Variants in WWC2 observed in about 807,000 individuals in gnomAD.
The protein encoded by WWC2 is WW and C2 domain containing 2.
A neutral mutation model predicts 138.5 loss-of-function variants in WWC2; 101 were observed. The ratio of observed to expected loss-of-function variants is 0.73; its 90% CI spans 0.62 to 0.86. The LOEUF (loss-of-function observed/expected upper bound fraction) is 0.86, where lower values mean the gene tolerates loss of function less well. Ranked by LOEUF, WWC2 falls within the 40% of genes least tolerant of loss-of-function variation. The pLI is 0.00. For synonymous variants in WWC2, 558 were observed against 538.4 expected, an observed-to-expected ratio of 1.04 and a Z score of -0.50; for missense variants, 1,420 against 1,419.4, an observed-to-expected ratio of 1.00 and a Z score of -0.01.
chr4:183,138,062 C>T (rs979729327), intron 1 of WWC2, among the ~76,000 whole-genome samples: 10 of 152,166 alleles, frequency 6.6e-5, no homozygotes, highest in African/African-American at 2.4e-4. Flanking sequence ...CTGAGGGGCT[C>T]TGCCAGTCTG....
intron 4 of WWC2, among the ~76,000 whole-genome samples, chr4:183,222,087 G>C (rs1332302944): frequency 6.6e-6 from 1 of 152,144 alleles, no homozygotes; most frequent in African/African-American, 2.4e-5. Context: ...ATACAACATG[G>C]ATGAATTTCA....
Position 183,265,113 on chromosome 4 carries a change from G to A in WWC2, c.2039+6G>A, listed in dbSNP as rs1450400913. 1.2e-6 allele frequency: 2 copies of A among 1,600,562 alleles called. No individual in the cohort carries two copies. Among genetic ancestry groups the A allele is most frequent in the African/African-American group, 2.7e-5 (2 of 74,386 alleles). Reference sequence around the variant, plus strand: ...TATGAAGCTTTCGTGAAACAGTAAGGATTCAGCAGGGGCGCTTTTAGCTCC... The same window carrying A: ...TATGAAGCTTTCGTGAAACAGTAAGAATTCAGCAGGGGCGCTTTTAGCTCC... On this transcript the variant is annotated splice_donor_region_variant and intron_variant, in intron 12 of 22. Transcript: ENST00000403733.
In WWC2 at chr4:183,282,888, T is replaced by G. The variant is rs1277104845; in HGVS notation, c.2865T>G (p.Pro955=). The G allele has an allele frequency of 6.3e-7, 1 of 1,582,992 alleles. No homozygotes were observed. The highest frequency in any genetic ancestry group is 8.6e-7 in the Non-Finnish European group (1 of 1,164,056). Residue 955 remains proline, a synonymous_variant, in exon 18 of 23, where the codon CCT becomes CCG. Coordinates refer to ENST00000403733, the MANE Select transcript of WWC2 (RefSeq NM_024949.6). The part of the protein sequence containing the change: ...NCAKDLRSQP[P]TRIPTLVDKE... ...CCAAAGACCTCAGAAGTCAGCCACC[T>G]ACTAGAATACCAACACTGGTGACTA...
chr4:183,100,263 T>C lies in WWC2; in HGVS notation c.131+641T>C, dbSNP rs540967126. Among the ~76,000 whole-genome samples, 16 of 152,372 alleles carry C rather than the reference T, an allele frequency of 1.1e-4. No homozygotes were observed. The East Asian group carries it at 3.1e-3, about 29-fold the overall frequency. On this transcript the variant is annotated intron_variant, in intron 1 of 22. Transcript: ENST00000403733. ...CTGAAAACTTGAACCGACTCCCAGA[T>C]CGGGAACAGGCATATTGTGTTTGGA...
At chr4:183,100,481 A>C (rs1743143397) in intron 1 of WWC2, among the ~76,000 whole-genome samples, 1 of 152,230 alleles carries the variant, frequency 6.6e-6, no homozygotes. Flanking sequence ...CCTAATTATA[A>C]ATTTGTAAAT....
At chr4:183,304,737 G>A (rs1368515285) in intron 21 of WWC2, among the ~76,000 whole-genome samples, 1 of 152,134 alleles carries the variant, frequency 6.6e-6, no homozygotes, top group Non-Finnish European at 1.5e-5. Context: ...CTAAAAGACT[G>A]AAACCTGTTC....
intron 15 of WWC2, chr4:183,269,610 T>G (rs1017558911): frequency 7.8e-5 from 32 of 410,308 alleles, no homozygotes; most frequent in Non-Finnish European, 1.5e-4. Context: ...AGAGGTAATA[T>G]ATTCAACGGT....
chr4:183,180,824 G>T (rs575964390), intron 1 of WWC2, among the ~76,000 whole-genome samples: 1 of 151,806 alleles, frequency 6.6e-6, no homozygotes, highest in South Asian at 2.1e-4. Flanking sequence ...TGCCTGGGGC[G>T]GGGGCGGGGA....
chr4:183,116,453 G>A (rs1441005227), intron 1 of WWC2, among the ~76,000 whole-genome samples: 2 of 152,212 alleles, frequency 1.3e-5, no homozygotes, highest in Admixed American at 6.5e-5. Context: ...AGGAAACTGA[G>A]ACTGAAGAGG....
At chr4:183,107,097 TCTCTC>T (rs1157203445) in intron 1 of WWC2, among the ~76,000 whole-genome samples, 2 of 152,046 alleles carry the variant, frequency 1.3e-5, no homozygotes, top group African/African-American at 2.4e-5. Flanking sequence ...TTTCTCTCCT[TCTCTC>T]CTCTTTCTGT....
chr4:183,198,444 A>C (rs1351479411), intron 2 of WWC2, among the ~76,000 whole-genome samples: 1 of 152,048 alleles, frequency 6.6e-6, no homozygotes, highest in African/African-American at 2.4e-5. Context: ...TGTGTTGCCC[A>C]GACTGGTCTT....
chr4:183,257,962 T>G (rs186680568), intron 9 of WWC2, among the ~76,000 whole-genome samples: 57 of 152,270 alleles, frequency 3.7e-4, no homozygotes, highest in Non-Finnish European at 4.1e-4. Flanking sequence ...ATTAAAGGGC[T>G]GGAAGAGCAG....
At position 183,317,837 on chromosome 4, in the gene WWC2, C is replaced by G. The variant is rs1739490768; in HGVS notation, c.*2108C>G. 2 of 152,090 alleles carry G rather than the reference C, an allele frequency of 1.3e-5. No individual in the cohort carries two copies. Among genetic ancestry groups the G allele is most frequent in the African/African-American group, 4.8e-5 (2 of 41,416 alleles). 9.4% of individuals were successfully genotyped at this position (152,090 alleles called of 1,614,324 possible). On this transcript the variant is annotated 3_prime_UTR_variant, in exon 23 of 23. Transcript: ENST00000403733. ...ATTAAAGAATAAAATCTGTCTCAGG[C>G]TGGTAGTTAGCAGTTGTGACCAAGA... is the stretch of plus-strand genomic sequence containing the variant.
At chr4:183,149,345 G>A (rs1052156841) in intron 1 of WWC2, among the ~76,000 whole-genome samples, 4 of 152,072 alleles carry the variant, frequency 2.6e-5, no homozygotes, top group African/African-American at 4.8e-5. Context: ...ATCTTTGGCC[G>A]GGCGCGGTGG....
intron 9 of WWC2, among the ~76,000 whole-genome samples, chr4:183,258,431 A>G (rs1210106508): frequency 1.3e-5 from 2 of 152,356 alleles, no homozygotes; most frequent in African/African-American, 2.4e-5. Flanking sequence ...CATCAAAGGG[A>G]TAGATACCTA....
chr4:183,248,818 A>G lies in WWC2; in HGVS notation c.837A>G (p.Arg279=). Residue 279 remains arginine (R), a synonymous_variant, in exon 7 of 23, where the codon AGA becomes AGG. Coordinates refer to ENST00000403733, the MANE Select transcript of WWC2 (RefSeq NM_024949.6). The part of the protein sequence containing the change: ...SPVNSHLCLS[R]QTLDAGSQTS... ...TGAACTCTCATTTATGTCTCTCCAG[A>G]CAGACCCTTGATGCTGGGTCACAAA... 3 of 1,603,126 alleles carry G rather than the reference A, an allele frequency of 1.9e-6. No individual in the cohort carries two copies. The South Asian group carries it at 3.4e-5, about 18-fold the overall frequency.
At chr4:183,139,747 C>T (rs894192813) in intron 1 of WWC2, among the ~76,000 whole-genome samples, 1 of 152,168 alleles carries the variant, frequency 6.6e-6, no homozygotes, top group Non-Finnish European at 1.5e-5. Flanking sequence ...TCACCCGTGC[C>T]GCCCTACCCC....
intron 1 of WWC2, among the ~76,000 whole-genome samples, chr4:183,160,484 C>T (rs1445078845): frequency 6.6e-6 from 1 of 152,048 alleles, no homozygotes; most frequent in Non-Finnish European, 1.5e-5. Flanking sequence ...TGAATCAGTC[C>T]TGTGAATATA....
intron 4 of WWC2, among the ~76,000 whole-genome samples, chr4:183,211,575 G>T (rs1250565437): frequency 6.6e-6 from 1 of 152,010 alleles, no homozygotes; most frequent in East Asian, 1.9e-4. Context: ...TTCTTTTAGG[G>T]CAAAGCTCTT....
Sources: allele counts gnomAD v4.1 joint callset (sites outside exome capture counted in the v4.1 genomes callset), GRCh38; gene constraint gnomAD v4.1.1; transcripts MANE v1.5; gene names NCBI Gene and HGNC (gene_info 2026-07-23, HGNC 2026-07-21).